Variants in ABR observed in about 807,000 individuals in gnomAD.
ABR encodes ABR activator of RhoGEF and GTPase.
Under a neutral mutation model 107.2 loss-of-function variants are expected in ABR, and 35 were observed. The ratio of observed to expected loss-of-function variants is 0.33; its 90% CI spans 0.25 to 0.43. The LOEUF is 0.43. Among genes scored for constraint, ABR ranks in the 20% least tolerant of loss-of-function variants. ABR has a pLI of 1.00. For synonymous variants in ABR, 498 were observed against 462.0 expected (o/e 1.08, Z -1.00); for missense variants, 815 against 1,115.2 (o/e 0.73, Z 3.83).
chr17:1,024,628 A>G (rs899179073), intron 16 of ABR, among the ~76,000 whole-genome samples: 1 of 152,064 alleles, frequency 6.6e-6, no homozygotes, highest in Non-Finnish European at 1.5e-5. Context: ...TTTACAAAAA[A>G]TACAAAAATT....
chr17:1,079,057 A>AAGG (rs2035985774), intron 6 of ABR: 2 of 581,994 alleles, frequency 3.4e-6, no homozygotes, highest in Admixed American at 3.8e-5. Context: ...GGGGAAGGGG[A>AAGG]GGAGGGGTAG....
chr17:1,091,374 A>G (rs1355604880), intron 4 of ABR, among the ~76,000 whole-genome samples: 2 of 152,110 alleles, frequency 1.3e-5, no homozygotes, highest in African/African-American at 4.8e-5. Flanking sequence ...GTGCTCCCAC[A>G]GAAGTGCCCA....
chr17:1,017,266 C>T (rs1031877464), intron 16 of ABR, among the ~76,000 whole-genome samples: 3 of 152,052 alleles, frequency 2.0e-5, no homozygotes, highest in Non-Finnish European at 2.9e-5. Flanking sequence ...CTCTAAGCTG[C>T]TTCTGTTCTT....
In ABR at chr17:1,013,638, C is replaced by T. The variant is rs539169710; in HGVS notation, c.1792-474G>A. ...CGTGGAGGTGTTGAAGAGTCAGGAG[C>T]CCGCGCACAGGAGGCTGCCTGGGTT... On this transcript the variant is annotated intron_variant, in intron 16 of 22. Transcript: ENST00000302538. Among the ~76,000 whole-genome samples, 17 of 152,344 alleles carry T rather than the reference C, an allele frequency of 1.1e-4. No homozygotes were observed. The South Asian group carries it at 3.1e-3, about 28-fold the overall frequency.
chr17:1,043,325 G>A (rs757771529), intron 16 of ABR, among the ~76,000 whole-genome samples: 5 of 151,908 alleles, frequency 3.3e-5, no homozygotes, highest in Non-Finnish European at 5.9e-5. Context: ...GCACCACCAC[G>A]CCCGGCTAAT....
At position 1,079,013 on chromosome 17, in the gene ABR, G is replaced by C. The variant is rs1006771271; in HGVS notation, c.700+317C>G. 8 of 1,460,282 alleles carry C rather than the reference G, an allele frequency of 5.5e-6. No homozygotes were observed. In the African/African-American group the frequency reaches 1.1e-4, roughly 21 times the overall value. The allele number at this position is 1,460,282 out of a possible 1,614,324, so 90.5% of individuals were successfully genotyped here. A position where few individuals can be genotyped will look rare whatever the true frequency, so the allele number is the denominator to read the frequency against. ...CGGAGTGCTCTTCCAGCAAGGGGGAGGGGAGGGAGGCGCGTGGCGAGGAGA... is the reference window on the plus strand; with the variant it reads ...CGGAGTGCTCTTCCAGCAAGGGGGACGGGAGGGAGGCGCGTGGCGAGGAGA... On this transcript the variant is annotated intron_variant, in intron 6 of 22. Transcript: ENST00000302538.
chr17:1,133,239 T>C (rs1467342866), intron 1 of ABR, among the ~76,000 whole-genome samples: 1 of 127,700 alleles, frequency 7.8e-6, no homozygotes, highest in Non-Finnish European at 1.7e-5. Context: ...CAAAACTCCG[T>C]CTCGAAAAAA....
intron 16 of ABR, among the ~76,000 whole-genome samples, chr17:1,036,491 G>T (rs2073187405): frequency 6.6e-6 from 1 of 151,158 alleles, no homozygotes; most frequent in Non-Finnish European, 1.5e-5. Context: ...ACCCGAGGCT[G>T]GGGGGCAAGA....
At chr17:1,176,899 G>A (rs866546824) in intron 1 of ABR, among the ~76,000 whole-genome samples, 18 of 151,722 alleles carry the variant, frequency 1.2e-4, no homozygotes, top group African/African-American at 4.1e-4. Flanking sequence ...GAAAGAAAGA[G>A]AAAGTGACTA....
intron 1 of ABR, among the ~76,000 whole-genome samples, chr17:1,133,077 T>C (rs2039916134): frequency 6.6e-6 from 1 of 152,086 alleles, no homozygotes; most frequent in Admixed American, 6.6e-5. Context: ...ACCCCATCTC[T>C]ACTAAAATAC....
At chr17:1,076,732 G>GA (rs1453256789) in intron 6 of ABR, among the ~76,000 whole-genome samples, 1 of 136,404 alleles carries the variant, frequency 7.3e-6, no homozygotes, top group Non-Finnish European at 1.6e-5. Context: ...GTGGGGGTGG[G>GA]GGGGGTGGCG....
intron 1 of ABR, among the ~76,000 whole-genome samples, chr17:1,144,223 G>C (rs1026887923): frequency 6.6e-6 from 1 of 152,160 alleles, no homozygotes; most frequent in Admixed American, 6.6e-5. Flanking sequence ...TTGCAGACGG[G>C]CCGTATAACC....
intron 14 of ABR, among the ~76,000 whole-genome samples, chr17:1,053,864 T>A (rs2032890396): frequency 1.3e-5 from 2 of 151,880 alleles, no homozygotes; most frequent in Non-Finnish European, 2.9e-5. Flanking sequence ...CAGACATGGG[T>A]GGGACAGTGC....
intron 4 of ABR, among the ~76,000 whole-genome samples, chr17:1,091,326 TCCGGGAGGGAGAA>T (rs1175591214): frequency 8.8e-6 from 1 of 114,040 alleles, no homozygotes; most frequent in Non-Finnish European, 1.9e-5. Flanking sequence ...CGGAGCACCC[TCCGGGAGGGAGAA>T]GGAGCACCCT....
intron 1 of ABR, among the ~76,000 whole-genome samples, chr17:1,186,628 TG>T (rs2042304179): frequency 6.6e-6 from 1 of 152,170 alleles, no homozygotes; most frequent in Non-Finnish European, 1.5e-5. Flanking sequence ...GCTTAGATTA[TG>T]CACTCCCCGA....
intron 16 of ABR, among the ~76,000 whole-genome samples, chr17:1,036,870 C>G (rs1173020215): frequency 6.6e-6 from 1 of 152,172 alleles, no homozygotes; most frequent in African/African-American, 2.4e-5. Flanking sequence ...TTCTCCCCAC[C>G]CATCGGATAC....
At chr17:1,009,000 G>A (rs1418376350) in intron 21 of ABR, among the ~76,000 whole-genome samples, 1 of 152,184 alleles carries the variant, frequency 6.6e-6, no homozygotes, top group Non-Finnish European at 1.5e-5. Flanking sequence ...CTGGTGTGGG[G>A]ACTCAGTTTC....
At chr17:1,055,880 A>G in intron 14 of ABR, 155 bp downstream of exon 14, 1 of 656,690 alleles carries the variant, frequency 1.5e-6, no homozygotes, top group Non-Finnish European at 2.6e-6. Context: ...TTTGGAGACA[A>G]AGGCCAGGGG....
intron 16 of ABR, among the ~76,000 whole-genome samples, chr17:1,043,701 C>T (rs1030338488): frequency 3.9e-5 from 6 of 152,156 alleles, no homozygotes; most frequent in East Asian, 1.9e-4. Flanking sequence ...GAATAAAGGC[C>T]GGACGCGGTG....
Sources: gnomAD v4.1 joint callset for allele counts (sites outside exome capture counted in the v4.1 genomes callset) on GRCh38, gnomAD v4.1.1 for gene constraint, MANE v1.5 for transcripts, NCBI Gene and HGNC (gene_info 2026-07-23, HGNC 2026-07-21) for gene names.